Variants in GCM2 observed in about 807,000 individuals in gnomAD.
The protein encoded by GCM2 is chorion-specific transcription factor GCMb.
Under a neutral mutation model 24.8 loss-of-function variants are expected in GCM2, and 21 were observed. That is an observed-to-expected ratio of 0.85 (90% CI 0.60 to 1.22). The LOEUF is 1.22. GCM2 is among the 50% of genes most tolerant of loss of function. GCM2 has a pLI of 0.00. For synonymous variants in GCM2, 222 were observed against 238.0 expected, an observed-to-expected ratio of 0.93 and a Z score of 0.62; for missense variants, 532 against 645.6, an observed-to-expected ratio of 0.82 and a Z score of 1.91.
intron 4 of GCM2, among the ~76,000 whole-genome samples, chr6:10,875,406 G>A (rs1779863532): frequency 6.6e-6 from 1 of 152,142 alleles, no homozygotes. Flanking sequence ...CCAGTGCCTG[G>A]CACATAGGAA....
intron 4 of GCM2, among the ~76,000 whole-genome samples, chr6:10,875,367 G>T (rs1779862974): frequency 6.6e-6 from 1 of 152,172 alleles, no homozygotes; most frequent in South Asian, 2.1e-4. Context: ...TAAGGTTTCT[G>T]CAACCATTAA....
chr6:10,879,750 A>T (rs991446361), intron 1 of GCM2, among the ~76,000 whole-genome samples: 2 of 152,066 alleles, frequency 1.3e-5, no homozygotes, highest in African/African-American at 2.4e-5. Flanking sequence ...CCAGTCTCCT[A>T]AAAAAAAGTT....
chr6:10,876,298 A>G (rs1418407984), intron 3 of GCM2, 147 bp downstream of exon 3: 8 of 722,380 alleles, frequency 1.1e-5, no homozygotes, highest in Admixed American at 8.1e-5. Context: ...GGCTCCCGCT[A>G]GGTCCCTGGG....
intron 1 of GCM2, among the ~76,000 whole-genome samples, chr6:10,878,257 A>T (rs952739154): frequency 2.6e-5 from 4 of 152,252 alleles, no homozygotes; most frequent in African/African-American, 9.6e-5. Flanking sequence ...CATTATTTAC[A>T]CTGCAATAAA....
At chr6:10,881,642 G>T in intron 1 of GCM2, 62 bp downstream of exon 1, 1 of 1,115,642 alleles carries the variant, frequency 9.0e-7, no homozygotes, top group Non-Finnish European at 1.3e-6. Flanking sequence ...GAACTCGAAT[G>T]CCATTCTCCC....
Position 10,875,915 on chromosome 6 carries a change from C to T in GCM2, c.558G>A (p.Gln186=). The change falls in exon 4 of 5, where the codon CAG becomes CAA. Residue 186 remains glutamine (Q), a synonymous_variant. Transcript: ENST00000379491. ...KRQMASFYQP[Q]KKRIRESEAE... is the part of the protein sequence containing the mutation. ...CCTCGGATTCTCGAATTCTCTTTTT[C>T]TGGGGTTGGTAGAAAGAGGCCATTT... 13 of 1,614,068 alleles carry T rather than the reference C, an allele frequency of 8.1e-6. No homozygotes were observed. The highest frequency in any genetic ancestry group is 1.6e-4 in the Middle Eastern group (1 of 6,062).
At chr6:10,879,349 A>T (rs1779926595) in intron 1 of GCM2, among the ~76,000 whole-genome samples, 2 of 152,210 alleles carry the variant, frequency 1.3e-5, no homozygotes, top group South Asian at 4.1e-4. Context: ...CATGCCTCAC[A>T]CGAGCTACTG....
Position 10,874,076 on chromosome 6 carries a change from C to A in GCM2, c.1440G>T (p.Val480=). ...SRTDEAETWD[V]CLSGLGSAVS... ...CTGCGGAGCCCAGCCCAGACAGACA[C>A]ACATCCCAAGTCTCTGCTTCATCTG... The change falls in exon 5 of 5, where the codon GTG becomes GTT. Residue 480 remains valine (V), a synonymous_variant. Transcript: ENST00000379491. 6.2e-7 allele frequency: 1 copy of A among 1,614,220 alleles called. No individual in the cohort carries two copies. Among genetic ancestry groups the A allele is most frequent in the Non-Finnish European group, 8.5e-7 (1 of 1,180,046 alleles).
intron 1 of GCM2, among the ~76,000 whole-genome samples, chr6:10,879,236 T>C (rs1779924304): frequency 6.6e-6 from 1 of 152,222 alleles, no homozygotes; most frequent in Non-Finnish European, 1.5e-5. Context: ...ATATCTTTGT[T>C]TTAAAAGTGA....
At position 10,882,017 on chromosome 6, in the gene GCM2, C is replaced by A. The variant is rs773728543; in HGVS notation, c.-224G>T. Reference sequence around the variant, plus strand: ...CCTTGTCCTTGGCCGCGGTGCTGAACGTTCTCCACCCGAACGGCAGCATCG... The same window carrying A: ...CCTTGTCCTTGGCCGCGGTGCTGAAAGTTCTCCACCCGAACGGCAGCATCG... On this transcript the variant is annotated 5_prime_UTR_variant, in exon 1 of 5. Transcript: ENST00000379491. 1.3e-5 allele frequency: 7 copies of A among 559,988 alleles called. No individual in the cohort carries two copies. The highest frequency in any genetic ancestry group is 9.5e-5 in the African/African-American group (5 of 52,740). The allele number at this position is 559,988 out of a possible 1,614,324, so 34.7% of individuals were successfully genotyped here. A position where few individuals can be genotyped will look rare whatever the true frequency, so the allele number is the denominator to read the frequency against.
At position 10,874,603 on chromosome 6, in the gene GCM2, C is replaced by T. The variant is rs143213288; in HGVS notation, c.913G>A (p.Val305Ile). The stretch of plus-strand genomic sequence containing the variant: ...TTACATTGTAGTGTGTTCAGATGAA[C>T]CCAGTCTGTGTCATTAGGGATACTG... ...STSIPNDTDW[V>I]HLNTLQCNVN... is the part of the protein sequence containing the mutation. The change falls in exon 5 of 5, where the codon GTT becomes ATT. Residue 305 changes from valine (V) to isoleucine (I), a missense_variant. Transcript: ENST00000379491. 82 of 1,613,830 alleles carry T rather than the reference C, an allele frequency of 5.1e-5. No individual in the cohort carries two copies. The highest frequency in any genetic ancestry group is 6.6e-5 in the Non-Finnish European group (78 of 1,179,856).
Position 10,881,949 on chromosome 6 carries a change from G to C in GCM2, c.-156C>G, listed in dbSNP as rs1470946851. ...GAGAGAAAGAGAGAGAGGCTGTTTA[G>C]ATATCTGGAAGCTGGGGACAATGGT... On this transcript the variant is annotated 5_prime_UTR_variant, in exon 1 of 5. In the 5' UTR this introduces an upstream ATG that the reference lacks. Coordinates refer to ENST00000379491, the MANE Select transcript of GCM2 (RefSeq NM_004752.4). 3 of 689,200 alleles carry C rather than the reference G, an allele frequency of 4.4e-6. No homozygotes were observed. The Admixed American group carries it at 6.4e-5, about 15-fold the overall frequency. The allele number at this position is 689,200 out of a possible 1,614,324, so 42.7% of individuals were successfully genotyped here. A position where few individuals can be genotyped will look rare whatever the true frequency, so the allele number is the denominator to read the frequency against.
In GCM2 at chr6:10,881,739, G is replaced by T; in HGVS notation, c.55C>A (p.Leu19Ile). Residue 19 changes from leucine to isoleucine, a missense_variant, in exon 1 of 5, where the codon CTC (leucine) becomes ATC (isoleucine). Leu to Ile is a conservative substitution (Grantham distance 5, BLOSUM62 2). Transcript: ENST00000379491. The stretch of plus-strand genomic sequence containing the variant: ...TGCGGATCGTTGATGTCCCAGCTGA[G>T]CTGCATCCCGTAGGAGCACACGCCG... Reference protein sequence around the residue: ...AVGVCSYGMQLSWDINDPQMP... With the variant: ...AVGVCSYGMQISWDINDPQMP... The T allele has an allele frequency of 6.2e-7, 1 of 1,611,582 alleles. No individual in the cohort carries two copies.
At chr6:10,877,958 C>T (rs926519035) in intron 1 of GCM2, among the ~76,000 whole-genome samples, 7 of 152,198 alleles carry the variant, frequency 4.6e-5, no homozygotes, top group African/African-American at 1.7e-4. Context: ...TATGCCAAAC[C>T]TGTCAGTCAC....
At chr6:10,879,007 G>T (rs1779920823) in intron 1 of GCM2, among the ~76,000 whole-genome samples, 2 of 152,162 alleles carry the variant, frequency 1.3e-5, no homozygotes, top group African/African-American at 2.4e-5. Context: ...ATTCAGACTT[G>T]TATACATCAT....
At position 10,876,071 on chromosome 6, in the gene GCM2, T is replaced by C. The variant is rs145588606; in HGVS notation, c.457-55A>G. On this transcript the variant is annotated intron_variant, in intron 3 of 4. Transcript: ENST00000379491. ...TTGTGCCTCTAAAGGAAGCTGACAA[T>C]GTTGCCCAAAAATTGATCATGCCTT... 2.5e-4 allele frequency: 406 copies of C among 1,599,168 alleles called. 1 individual carries two copies. The African/African-American group carries it at 4.1e-3, about 16-fold the overall frequency.
chr6:10,876,312 C>G (rs1417794768), intron 3 of GCM2, 133 bp downstream of exon 3: 6 of 737,376 alleles, frequency 8.1e-6, no homozygotes, highest in Non-Finnish European at 1.5e-5. Flanking sequence ...CCCTGGGGAG[C>G]TCCAGCACCT....
chr6:10,877,406 G>A lies in GCM2; in HGVS notation c.91-14C>T. On this transcript the variant is annotated splice_polypyrimidine_tract_variant and intron_variant, in intron 1 of 4. Transcript: ENST00000379491. ...GAGGGCCAGCTCCTGGAAGAGTGCA[G>A]AAGGAAGGGTGGTCAGTCTATCCAG... 1.2e-6 allele frequency: 2 copies of A among 1,614,076 alleles called. No homozygotes were observed. The highest frequency in any genetic ancestry group is 1.7e-6 in the Non-Finnish European group (2 of 1,179,978).
intron 1 of GCM2, among the ~76,000 whole-genome samples, chr6:10,880,434 G>C (rs1207011816): frequency 1.3e-5 from 2 of 152,020 alleles, no homozygotes; most frequent in Non-Finnish European, 2.9e-5. Flanking sequence ...TTTTAGTTGC[G>C]GACAAAATGA....
Sources: gnomAD v4.1 joint callset for allele counts (sites outside exome capture counted in the v4.1 genomes callset) on GRCh38, gnomAD v4.1.1 for gene constraint, MANE v1.5 for transcripts, NCBI Gene and HGNC (gene_info 2026-07-23, HGNC 2026-07-21) for gene names.